EVI5: variants seen among roughly 807,000 people sequenced by gnomAD.
The protein encoded by EVI5 is ecotropic viral integration site 5.
A neutral mutation model predicts 112.0 loss-of-function variants in EVI5; 73 were observed. The observed-to-expected ratio is 0.65, with a 90% confidence interval of 0.54 to 0.79. The LOEUF (loss-of-function observed/expected upper bound fraction) is 0.79, where lower values mean the gene tolerates loss of function less well. Among genes scored for constraint, EVI5 ranks in the 30% least tolerant of loss-of-function variants. EVI5 has a pLI of 0.00. For synonymous variants in EVI5, 305 were observed against 319.9 expected (o/e 0.95, Z 0.50); for missense variants, 900 against 968.8 (o/e 0.93, Z 0.94).
chr1:92,770,893 G>A (rs920296444), intron 1 of EVI5, among the ~76,000 whole-genome samples: 9 of 150,942 alleles, frequency 6.0e-5, no homozygotes, highest in African/African-American at 2.2e-4. Context: ...CCGGTTCACT[G>A]CAACCTCCGC....
Position 92,650,451 on chromosome 1 carries a change from C to T in EVI5, c.1392+12268G>A, listed in dbSNP as rs947779711. ...CTTATGCATTTTATTCTTTTGGAAG[C>T]TACTGTGAATGGACTTTTTTTCTTA... is the stretch of plus-strand genomic sequence containing the variant. On this transcript the variant is annotated intron_variant, in intron 13 of 19. Coordinates refer to ENST00000684568, the MANE Select transcript of EVI5 (RefSeq NM_001350197.2). 3.1e-5 allele frequency among the ~76,000 whole-genome samples: 3 copies of T among 97,212 alleles called. No homozygotes were observed. In the Admixed American group the frequency reaches 3.7e-4, roughly 12 times the overall value. The allele number at this position is 97,212 out of a possible 152,430, so 63.8% of individuals were successfully genotyped here.
At chr1:92,677,960 C>T (rs569089169) in intron 9 of EVI5, among the ~76,000 whole-genome samples, 2 of 152,130 alleles carry the variant, frequency 1.3e-5, no homozygotes, top group East Asian at 3.9e-4. Flanking sequence ...GAACAGAAAA[C>T]CAAAAACCCA....
chr1:92,579,619 C>T (rs1347259951), intron 18 of EVI5, among the ~76,000 whole-genome samples: 6 of 152,106 alleles, frequency 3.9e-5, no homozygotes, highest in African/African-American at 1.4e-4. Flanking sequence ...GTATACATTT[C>T]TCCATTACTA....
chr1:92,563,345 C>T (rs1224256826), intron 19 of EVI5, among the ~76,000 whole-genome samples: 1 of 152,046 alleles, frequency 6.6e-6, no homozygotes, highest in Non-Finnish European at 1.5e-5. Context: ...GTAACTTTGA[C>T]ATCTATGCAA....
At chr1:92,626,699 G>C (rs1196418471) in intron 14 of EVI5, among the ~76,000 whole-genome samples, 1 of 152,122 alleles carries the variant, frequency 6.6e-6, no homozygotes, top group Non-Finnish European at 1.5e-5. Flanking sequence ...ACTCTGATTT[G>C]TTAATAAAAT....
In EVI5 at chr1:92,753,167, C is replaced by T. The variant is rs147498221; in HGVS notation, c.-81-16540G>A. 5.9e-5 allele frequency among the ~76,000 whole-genome samples: 9 copies of T among 152,050 alleles called. No homozygotes were observed. In the East Asian group the frequency reaches 1.7e-3, roughly 29 times the overall value. ...AAAAAGAAGGAAAATGTACAAAGGC[C>T]CTGAAGAACTGAATATTTTGATGGG... On this transcript the variant is annotated intron_variant, in intron 1 of 19. Transcript: ENST00000684568.
intron 19 of EVI5, among the ~76,000 whole-genome samples, chr1:92,523,994 G>A (rs1265688582): frequency 1.3e-5 from 2 of 151,946 alleles, no homozygotes. Context: ...CTACTTGGGA[G>A]GCTGAGGCAG....
chr1:92,693,188 C>T (rs1012230796), intron 9 of EVI5, among the ~76,000 whole-genome samples: 1 of 152,016 alleles, frequency 6.6e-6, no homozygotes, highest in African/African-American at 2.4e-5. Context: ...TCTGTCTCTA[C>T]AAAACAAATT....
chr1:92,609,604 C>A (rs571967040), intron 16 of EVI5, among the ~76,000 whole-genome samples: 2 of 152,208 alleles, frequency 1.3e-5, no homozygotes, highest in African/African-American at 4.8e-5. Context: ...GTAATCCGCC[C>A]GCCTCAGCCT....
intron 1 of EVI5, among the ~76,000 whole-genome samples, chr1:92,743,634 G>A (rs1467509061): frequency 6.6e-6 from 1 of 152,118 alleles, no homozygotes; most frequent in African/African-American, 2.4e-5. Flanking sequence ...CTTAATTATA[G>A]ACTTAAAATG....
chr1:92,594,674 A>G (rs997871150), intron 18 of EVI5, among the ~76,000 whole-genome samples: 1 of 151,982 alleles, frequency 6.6e-6, no homozygotes, highest in Non-Finnish European at 1.5e-5. Context: ...TCATCTGACA[A>G]AGGGCTAATA....
intron 1 of EVI5, among the ~76,000 whole-genome samples, chr1:92,759,666 G>GA (rs1188735384): frequency 5.3e-5 from 8 of 151,930 alleles, no homozygotes; most frequent in African/African-American, 1.9e-4. Context: ...CTGACTCTAT[G>GA]AATTTGCCTA....
At chr1:92,778,704 CA>C (rs1199014254) in intron 1 of EVI5, among the ~76,000 whole-genome samples, 1 of 152,108 alleles carries the variant, frequency 6.6e-6, no homozygotes, top group Non-Finnish European at 1.5e-5. Context: ...ATTATCTTGG[CA>C]GCTTTAAAAA....
chr1:92,737,189 G>A (rs1393674751), intron 1 of EVI5, among the ~76,000 whole-genome samples: 1 of 151,796 alleles, frequency 6.6e-6, no homozygotes, highest in Non-Finnish European at 1.5e-5. Context: ...AAAGAGTGTT[G>A]TTATAGAAGA....
chr1:92,561,651 ATCT>A (rs1668641960), intron 19 of EVI5, among the ~76,000 whole-genome samples: 15 of 148,010 alleles, frequency 1.0e-4, no homozygotes, highest in Admixed American at 8.2e-4. Context: ...CTATCTATCT[ATCT>A]ATCTATCTAT....
intron 15 of EVI5, among the ~76,000 whole-genome samples, chr1:92,624,893 A>T (rs1249720245): frequency 6.6e-6 from 1 of 152,160 alleles, no homozygotes; most frequent in Non-Finnish European, 1.5e-5. Flanking sequence ...ATGTGTGTGG[A>T]AACATTTTTG....
chr1:92,753,773 T>C (rs1403207013), intron 1 of EVI5, among the ~76,000 whole-genome samples: 2 of 152,192 alleles, frequency 1.3e-5, no homozygotes, highest in Non-Finnish European at 2.9e-5. Context: ...TGAATATAAT[T>C]AGATATAATC....
At chr1:92,766,489 A>G (rs1040493829) in intron 1 of EVI5, among the ~76,000 whole-genome samples, 11 of 152,194 alleles carry the variant, frequency 7.2e-5, no homozygotes, top group Non-Finnish European at 1.3e-4. Flanking sequence ...ATCGAGCACT[A>G]TGTTAAGTAT....
intron 14 of EVI5, among the ~76,000 whole-genome samples, chr1:92,630,765 C>G (rs181104047): frequency 6.6e-6 from 1 of 152,166 alleles, no homozygotes; most frequent in Non-Finnish European, 1.5e-5. Context: ...CTAAATGATA[C>G]TGCCTAGGTT....
Sources: allele counts gnomAD v4.1 joint callset (sites outside exome capture counted in the v4.1 genomes callset), GRCh38; gene constraint gnomAD v4.1.1; transcripts MANE v1.5; gene names NCBI Gene and HGNC (gene_info 2026-07-23, HGNC 2026-07-21).